The following C2CD5 variants were observed in gnomAD, a reference collection of about 807,000 sequenced individuals.
C2CD5 encodes the protein C2 domain-containing protein 5.
Under a neutral mutation model 130.3 loss-of-function variants are expected in C2CD5, and 109 were observed. The ratio of observed to expected loss-of-function variants is 0.84; its 90% CI spans 0.72 to 0.98. The LOEUF is 0.98. C2CD5 is among the 50% of genes least tolerant of loss of function. The pLI is 0.00. For missense variants in C2CD5, 996 were observed against 1,261.8 expected, an observed-to-expected ratio of 0.79 and a Z score of 3.19; for synonymous variants, 454 against 429.2, an observed-to-expected ratio of 1.06 and a Z score of -0.71.
At chr12:22,523,987 T>G (rs1230022597) in intron 6 of C2CD5, among the ~76,000 whole-genome samples, 1 of 151,894 alleles carries the variant, frequency 6.6e-6, no homozygotes, top group Non-Finnish European at 1.5e-5. Context: ...AATAAAACAG[T>G]AAACAAGTTT....
In C2CD5 at chr12:22,527,212, TAGCA is replaced by T. The variant is rs1333306531; in HGVS notation, c.349+505_349+508del. Among the ~76,000 whole-genome samples, 4 of 152,022 alleles carry T rather than the reference TAGCA, an allele frequency of 2.6e-5. No homozygotes were observed. In the East Asian group the frequency reaches 7.7e-4, roughly 29 times the overall value. On this transcript the variant is annotated intron_variant, in intron 4 of 26. Coordinates refer to ENST00000446597, the MANE Select transcript of C2CD5 (RefSeq NM_001286176.2). ...ATTTACTTACTATACTATACAAATT[TAGCA>T]AGCATTATCTCAAATTATGTTGAGA...
At chr12:22,459,149 G>A (rs1407463686) in intron 23 of C2CD5, among the ~76,000 whole-genome samples, 1 of 151,962 alleles carries the variant, frequency 6.6e-6, no homozygotes, top group Non-Finnish European at 1.5e-5. Flanking sequence ...CTGATTTTGG[G>A]CAACAAAGCC....
At chr12:22,520,876 G>C (rs1486467383) in intron 7 of C2CD5, among the ~76,000 whole-genome samples, 1 of 151,896 alleles carries the variant, frequency 6.6e-6, no homozygotes, top group Admixed American at 6.6e-5. Context: ...CATTAATGTA[G>C]GTAAAATAAA....
intron 2 of C2CD5, among the ~76,000 whole-genome samples, chr12:22,543,840 G>C (rs139058459): frequency 6.6e-5 from 10 of 152,272 alleles, no homozygotes; most frequent in African/African-American, 2.4e-4. Flanking sequence ...AACAGTACAA[G>C]CCTCCCCGCG....
At chr12:22,449,975 C>A in intron 26 of C2CD5, 84 bp from the exon 27 acceptor site, 2 of 1,040,886 alleles carry the variant, frequency 1.9e-6, no homozygotes, top group Non-Finnish European at 1.4e-6. Context: ...TGCTGTACAG[C>A]CAAAAAACAC....
In C2CD5 at chr12:22,483,581, C is replaced by A. The variant is rs553854240; in HGVS notation, c.1551-838G>T. Among the ~76,000 whole-genome samples the A allele has an allele frequency of 3.7e-4, 57 of 152,106 alleles. 1 individual carries two copies. The South Asian group carries it at 7.3e-3, about 19-fold the overall frequency. ...ACAGACAAAAAAAATAGCTCACCAC[C>A]AGCAGACCATCAAAAGAAATACTAA... On this transcript the variant is annotated intron_variant, in intron 13 of 26. Coordinates refer to ENST00000446597, the MANE Select transcript of C2CD5 (RefSeq NM_001286176.2).
rs1183028836 is a variant in C2CD5, at chr12:22,472,287, T to A, written c.2168A>T (p.Gln723Leu). ...PGINNWTSEI[Q>L]MFTSVRVIRL... ...TAAAATTAAGAAAAAAAGGTTTACC[T>A]GTATTTCAGAGGTCCAATTATTTAT... Residue 723 changes from glutamine to leucine, a missense_variant and splice_region_variant, in exon 18 of 27, where the codon CAG becomes CTG. Around this residue, in one of 9 missense-constraint regions of C2CD5, gnomAD observed 590 missense variants for 631.4 expected, o/e 0.93. Coordinates refer to ENST00000446597, the MANE Select transcript of C2CD5 (RefSeq NM_001286176.2). 6.7e-7 allele frequency: 1 copy of A among 1,487,982 alleles called. No individual in the cohort carries two copies. The highest frequency in any genetic ancestry group is 9.2e-7 in the Non-Finnish European group (1 of 1,084,170). The allele number at this position is 1,487,982 out of a possible 1,614,324, so 92.2% of individuals were successfully genotyped here.
At chr12:22,485,504 ATTT>A (rs920264468) in intron 12 of C2CD5, among the ~76,000 whole-genome samples, 23 of 152,224 alleles carry the variant, frequency 1.5e-4, no homozygotes, top group Non-Finnish European at 2.5e-4. Flanking sequence ...AAGTGTAATA[ATTT>A]TTTAATTTAA....
At chr12:22,485,913 A>T (rs760877622) in intron 12 of C2CD5, among the ~76,000 whole-genome samples, 5 of 151,452 alleles carry the variant, frequency 3.3e-5, no homozygotes, top group South Asian at 4.2e-4. Flanking sequence ...CATTCTCCAA[A>T]TTTTTTTTTG....
chr12:22,530,018 G>T (rs954799297), intron 3 of C2CD5, among the ~76,000 whole-genome samples: 1 of 146,624 alleles, frequency 6.8e-6, no homozygotes, highest in African/African-American at 2.5e-5. Flanking sequence ...TGCCTGGCAC[G>T]ACATTTCTTT....
At chr12:22,452,095 T>TG (rs1938753446) in intron 26 of C2CD5, among the ~76,000 whole-genome samples, 1 of 152,080 alleles carries the variant, frequency 6.6e-6, no homozygotes, top group African/African-American at 2.4e-5. Flanking sequence ...AATTTAACAC[T>TG]GGGAAAAACC....
intron 10 of C2CD5, among the ~76,000 whole-genome samples, chr12:22,493,905 AAAAG>A (rs910873678): frequency 2.0e-5 from 3 of 152,022 alleles, no homozygotes; most frequent in Non-Finnish European, 2.9e-5. Context: ...TTTAAAAAAA[AAAAG>A]AAAGAAAGCA....
At chr12:22,537,276 A>C (rs1462944469) in intron 2 of C2CD5, among the ~76,000 whole-genome samples, 1 of 152,190 alleles carries the variant, frequency 6.6e-6, no homozygotes. Context: ...TCAGCCAGGC[A>C]GGGTGGTGCG....
chr12:22,542,854 A>G (rs1256326024), intron 2 of C2CD5, among the ~76,000 whole-genome samples: 1 of 152,264 alleles, frequency 6.6e-6, no homozygotes, highest in Non-Finnish European at 1.5e-5. Flanking sequence ...CTAAGAATTT[A>G]AAAGTACTTA....
intron 22 of C2CD5, among the ~76,000 whole-genome samples, chr12:22,461,663 A>C (rs1173258035): frequency 6.6e-6 from 1 of 152,158 alleles, no homozygotes; most frequent in Non-Finnish European, 1.5e-5. Context: ...TTTATTCTGG[A>C]CTACATGATT....
chr12:22,513,156 A>T (rs1167802667), intron 9 of C2CD5, 138 bp downstream of exon 9: 5 of 537,208 alleles, frequency 9.3e-6, no homozygotes, highest in African/African-American at 1.9e-5. Flanking sequence ...GACACCTTAA[A>T]TCCATTTTGG....
At chr12:22,460,396 G>C (rs1320515333) in intron 22 of C2CD5, 1 of 152,122 alleles carries the variant, frequency 6.6e-6, no homozygotes, top group Non-Finnish European at 1.5e-5. Flanking sequence ...GCTTAGTATA[G>C]TATAGTTTAA....
At chr12:22,537,212 G>A (rs1229488280) in intron 2 of C2CD5, among the ~76,000 whole-genome samples, 1 of 152,070 alleles carries the variant, frequency 6.6e-6, no homozygotes, top group Non-Finnish European at 1.5e-5. Flanking sequence ...AGATCCGATA[G>A]TCCACAAACT....
At chr12:22,530,105 TATATATACACACACACAC>T (rs1195196920) in intron 3 of C2CD5, among the ~76,000 whole-genome samples, 17 of 114,560 alleles carry the variant, frequency 1.5e-4, no homozygotes, top group South Asian at 5.5e-4. Flanking sequence ...TATATATATA[TATATATACACACACACAC>T]ACACACACAC....
Sources: gnomAD v4.1 joint callset for allele counts (sites outside exome capture counted in the v4.1 genomes callset) on GRCh38, gnomAD v4.1.1 for gene constraint, gnomAD v4.1.1 regional missense constraint, MANE v1.5 for transcripts, NCBI Gene and HGNC (gene_info 2026-07-23, HGNC 2026-07-21) for gene names.